The following PIGN variants were observed in gnomAD, a reference collection of about 807,000 sequenced individuals.
PIGN encodes phosphatidylinositol glycan anchor biosynthesis class N, also known as GPI ethanolamine phosphate transferase 1.
Under a neutral mutation model 125.4 loss-of-function variants are expected in PIGN, and 117 were observed. The observed-to-expected ratio is 0.93, with a 90% confidence interval of 0.80 to 1.09. PIGN has a LOEUF of 1.09. Ranked by LOEUF, PIGN falls within the 50% of genes least tolerant of loss-of-function variation. The pLI, the probability that PIGN is intolerant of heterozygous loss-of-function variation, is 0.00. For missense variants in PIGN, 1,075 were observed against 1,094.9 expected (o/e 0.98, Z 0.26); for synonymous variants, 392 against 377.8 (o/e 1.04, Z -0.44).
chr18:62,168,856 T>A (rs912169549), intron 1 of PIGN, among the ~76,000 whole-genome samples: 2 of 149,494 alleles, frequency 1.3e-5, no homozygotes, highest in African/African-American at 4.9e-5. Context: ...ACCACTAATT[T>A]TTTTTTTTTT....
At chr18:62,134,191 G>A (rs1001429314) in intron 14 of PIGN, among the ~76,000 whole-genome samples, 6 of 152,042 alleles carry the variant, frequency 3.9e-5, no homozygotes, top group Middle Eastern at 3.4e-3. Context: ...TCAGGAGTTC[G>A]AGACCAGCCT....
At chr18:62,048,791 T>C (rs1296445392) in intron 30 of PIGN, among the ~76,000 whole-genome samples, 16 of 150,856 alleles carry the variant, frequency 1.1e-4, no homozygotes, top group African/African-American at 3.7e-4. Flanking sequence ...CATGCTGGTG[T>C]GCTGCACCCA....
At chr18:62,074,631 A>G in intron 29 of PIGN, 148 bp downstream of exon 29, 1 of 508,492 alleles carries the variant, frequency 2.0e-6, no homozygotes, top group Non-Finnish European at 3.6e-6. Flanking sequence ...ACTAATATAA[A>G]AGAACATAAT....
intron 23 of PIGN, among the ~76,000 whole-genome samples, chr18:62,029,587 G>A (rs757397506): frequency 9.2e-5 from 14 of 152,120 alleles, no homozygotes; most frequent in African/African-American, 2.7e-4. Flanking sequence ...ATTTAGTACC[G>A]GTGACTGCTA....
chr18:62,054,801 C>G (rs1289976515), intron 30 of PIGN, among the ~76,000 whole-genome samples: 2 of 152,032 alleles, frequency 1.3e-5, no homozygotes, highest in Non-Finnish European at 1.5e-5. Context: ...CTACAAAGGA[C>G]TATTTCCTAG....
intron 1 of PIGN, among the ~76,000 whole-genome samples, chr18:62,167,187 C>T (rs1343726769): frequency 2.7e-5 from 3 of 109,286 alleles, no homozygotes; most frequent in African/African-American, 8.7e-5. Context: ...AGAGCAGGAG[C>T]GCTCTCTCTC....
chr18:62,074,594 C>G (rs868559837), intron 29 of PIGN, among the ~76,000 whole-genome samples, 185 bp downstream of exon 29: 1 of 152,072 alleles, frequency 6.6e-6, no homozygotes. Flanking sequence ...ACTTTTGACA[C>G]CTGAAGAAGA....
At chr18:62,096,564 G>T in intron 22 of PIGN, among the ~76,000 whole-genome samples, 1 of 97,862 alleles carries the variant, frequency 1.0e-5, no homozygotes, top group Admixed American at 1.3e-4. Flanking sequence ...AAGTTTTAGG[G>T]TACATGTGCA....
chr18:62,162,637 C>G (rs2036996742), intron 2 of PIGN: 2 of 152,116 alleles, frequency 1.3e-5, no homozygotes, highest in Non-Finnish European at 2.9e-5. Flanking sequence ...CAAGGGTCAA[C>G]TAAATATCAA....
intron 23 of PIGN, among the ~76,000 whole-genome samples, chr18:62,018,642 C>G (rs649240): frequency 1.3e-5 from 2 of 152,140 alleles, no homozygotes; most frequent in Non-Finnish European, 2.9e-5. Flanking sequence ...CTCATGATAA[C>G]CTTAACATTA....
chr18:62,180,294 G>A (rs1038343273), intron 1 of PIGN, among the ~76,000 whole-genome samples: 6 of 151,958 alleles, frequency 3.9e-5, no homozygotes, highest in East Asian at 3.8e-4. Flanking sequence ...GTGTATCCAC[G>A]CATCAATATT....
At chr18:62,021,162 G>T (rs1461287583) in intron 23 of PIGN, among the ~76,000 whole-genome samples, 4 of 152,150 alleles carry the variant, frequency 2.6e-5, no homozygotes, top group Non-Finnish European at 4.4e-5. Flanking sequence ...TTACCCAAGA[G>T]AAAAGGAAAT....
At chr18:62,034,836 C>T (rs757706127) in intron 23 of PIGN, among the ~76,000 whole-genome samples, 1 of 152,092 alleles carries the variant, frequency 6.6e-6, no homozygotes, top group Non-Finnish European at 1.5e-5. Flanking sequence ...TGAGTTAATA[C>T]TGAAATGAAT....
intron 14 of PIGN, among the ~76,000 whole-genome samples, chr18:62,125,453 C>T (rs1368497919): frequency 6.6e-6 from 1 of 152,010 alleles, no homozygotes; most frequent in Non-Finnish European, 1.5e-5. Flanking sequence ...AATTATGTGG[C>T]TTTCCATTTT....
chr18:62,145,965 C>A lies in PIGN; in HGVS notation c.866G>T (p.Gly289Val), dbSNP rs2036313177. 6.2e-7 allele frequency: 1 copy of A among 1,609,644 alleles called. No homozygotes were observed. The highest frequency in any genetic ancestry group is 8.5e-7 in the Non-Finnish European group (1 of 1,177,134). Residue 289 changes from glycine (G) to valine (V), a missense_variant, in exon 10 of 31, where the codon GGA (glycine) becomes GTA (valine). Physicochemically the swap from Gly to Val is moderately radical, Grantham distance 109. Around this residue, in one of 3 missense-constraint regions of PIGN, gnomAD observed 915 missense variants for 908.7 expected, o/e 1.01. Coordinates refer to ENST00000640252, the MANE Select transcript of PIGN (RefSeq NM_176787.5). ...TGATACTCTTTGGGGATACTTGATTCCAGCTCCCCAAGTGACTAAAGGAGT... is the reference window on the plus strand; with the variant it reads ...TGATACTCTTTGGGGATACTTGATTACAGCTCCCCAAGTGACTAAAGGAGT... The part of the protein sequence containing the change: ...TLTPLVTWGA[G>V]IKYPQRVSAQ...
At chr18:62,166,561 AC>A (rs1388304221) in intron 1 of PIGN, among the ~76,000 whole-genome samples, 1 of 152,222 alleles carries the variant, frequency 6.6e-6, no homozygotes, top group Non-Finnish European at 1.5e-5. Flanking sequence ...CTGGGTATAT[AC>A]CCAAAGGATT....
At chr18:62,018,726 G>A (rs77762454) in intron 23 of PIGN, among the ~76,000 whole-genome samples, 10,099 of 152,154 alleles carry the variant, frequency 0.066, 549 homozygotes, top group East Asian at 0.29. Context: ...CCAGACTGTG[G>A]GTGGCAAGCC....
At chr18:62,085,739 A>C (rs2033668373) in intron 25 of PIGN, among the ~76,000 whole-genome samples, 1 of 152,230 alleles carries the variant, frequency 6.6e-6, no homozygotes, top group Admixed American at 6.5e-5. Flanking sequence ...AATTCAATAG[A>C]GAATGACACA....
chr18:62,025,394 A>T (rs2030104901), intron 23 of PIGN, among the ~76,000 whole-genome samples: 1 of 152,186 alleles, frequency 6.6e-6, no homozygotes. Flanking sequence ...TAGAGATAAT[A>T]GGTGTTTCAG....
Sources: gnomAD v4.1 joint callset for allele counts (sites outside exome capture counted in the v4.1 genomes callset) on GRCh38, gnomAD v4.1.1 for gene constraint, gnomAD v4.1.1 regional missense constraint, MANE v1.5 for transcripts, NCBI Gene and HGNC (gene_info 2026-07-23, HGNC 2026-07-21) for gene names.